SMCO4: variants seen among roughly 807,000 people sequenced by gnomAD.
The protein encoded by SMCO4 is single-pass membrane protein with coiled-coil domains 4, also known as single-pass membrane and coiled-coil domain-containing protein 4.
In SMCO4, 4 loss-of-function variants were observed where a neutral mutation model predicts 3.6. The ratio of observed to expected loss-of-function variants is 1.11; its 90% CI spans 0.54 to 2.53. The LOEUF (loss-of-function observed/expected upper bound fraction) is 2.53, where lower values mean the gene tolerates loss of function less well. Among genes scored for constraint, SMCO4 ranks in the 30% most tolerant of loss-of-function variants. The probability of loss-of-function intolerance (pLI) is 0.02; values close to 1 mark genes in which losing one functional copy is unlikely to be tolerated. For synonymous variants in SMCO4, 36 were observed against 35.3 expected (o/e 1.02, Z -0.07); for missense variants, 70 against 80.8 (o/e 0.87, Z 0.51).
chr11:93,521,802 A>G (rs1949060256), intron 1 of SMCO4, among the ~76,000 whole-genome samples: 1 of 152,246 alleles, frequency 6.6e-6, no homozygotes, highest in Admixed American at 6.5e-5. Flanking sequence ...TGAAGGGAAC[A>G]TAAAAGAGAG....
chr11:93,514,568 A>G (rs969037250), intron 1 of SMCO4, among the ~76,000 whole-genome samples: 8 of 151,520 alleles, frequency 5.3e-5, no homozygotes, highest in African/African-American at 1.9e-4. Flanking sequence ...TGCCTCACGT[A>G]TTACTTTTTT....
In SMCO4 at chr11:93,504,403, A is replaced by G. The variant is rs181614251; in HGVS notation, c.-153-5055T>C. On this transcript the variant is annotated intron_variant, in intron 1 of 2. Coordinates refer to ENST00000298966, the MANE Select transcript of SMCO4 (RefSeq NM_020179.3). Reference sequence around the variant, plus strand: ...TTTGAAGAGGATAACCTGAAAAGGTAAATATTTTCCTGCTTATCTACCCAT... The same window carrying G: ...TTTGAAGAGGATAACCTGAAAAGGTGAATATTTTCCTGCTTATCTACCCAT... Among the ~76,000 whole-genome samples the G allele has an allele frequency of 5.3e-5, 8 of 152,378 alleles. No individual in the cohort carries two copies. The East Asian group carries it at 1.5e-3, about 29-fold the overall frequency.
intron 1 of SMCO4, among the ~76,000 whole-genome samples, chr11:93,542,612 T>C (rs1949280034): frequency 6.6e-6 from 1 of 152,064 alleles, no homozygotes; most frequent in South Asian, 2.1e-4. Context: ...ACCCACCCCG[T>C]ACAGGAACTC....
chr11:93,506,270 G>A (rs1269348689), intron 1 of SMCO4, among the ~76,000 whole-genome samples: 1 of 152,204 alleles, frequency 6.6e-6, no homozygotes, highest in Non-Finnish European at 1.5e-5. Flanking sequence ...TGTGGCCCAA[G>A]ACCCTTTCTG....
chr11:93,489,119 G>A (rs1343803191), intron 2 of SMCO4, among the ~76,000 whole-genome samples: 1 of 152,138 alleles, frequency 6.6e-6, no homozygotes, highest in Non-Finnish European at 1.5e-5. Flanking sequence ...GTAAACAAGA[G>A]CACAGGGAAG....
At chr11:93,518,881 C>T (rs774594014) in intron 1 of SMCO4, among the ~76,000 whole-genome samples, 10 of 152,164 alleles carry the variant, frequency 6.6e-5, no homozygotes, top group African/African-American at 1.7e-4. Flanking sequence ...TTAACAGGGG[C>T]GGCCTTCTGT....
At chr11:93,494,346 G>C (rs1325926695) in intron 2 of SMCO4, among the ~76,000 whole-genome samples, 1 of 152,196 alleles carries the variant, frequency 6.6e-6, no homozygotes. Context: ...CATCACTTCA[G>C]AGTGCAGGGT....
At chr11:93,535,605 G>T in intron 1 of SMCO4, 1 of 1,553,484 alleles carries the variant, frequency 6.4e-7, no homozygotes, top group Non-Finnish European at 8.9e-7. Context: ...AAGGTACTGT[G>T]GAGGGCTTTG....
At chr11:93,494,920 G>A (rs1948757221) in intron 2 of SMCO4, among the ~76,000 whole-genome samples, 1 of 152,238 alleles carries the variant, frequency 6.6e-6, no homozygotes, top group Non-Finnish European at 1.5e-5. Context: ...GGACCTGCAT[G>A]ATCTGGCTCC....
intron 1 of SMCO4, among the ~76,000 whole-genome samples, chr11:93,540,783 AATTTATAC>A (rs1041006768): frequency 1.3e-5 from 2 of 152,236 alleles, no homozygotes; most frequent in African/African-American, 4.8e-5. Context: ...ATTAAAGTAA[AATTTATAC>A]ACACACAAAC....
chr11:93,499,001 G>C (rs952786349), intron 2 of SMCO4, among the ~76,000 whole-genome samples: 1 of 152,134 alleles, frequency 6.6e-6, no homozygotes, highest in African/African-American at 2.4e-5. Flanking sequence ...GGAAGGGTGA[G>C]ACCATCAGGG....
intron 1 of SMCO4, among the ~76,000 whole-genome samples, chr11:93,521,904 G>A (rs1949061081): frequency 6.6e-6 from 1 of 152,170 alleles, no homozygotes; most frequent in Admixed American, 6.5e-5. Context: ...TCCACAGTCA[G>A]AAGTGTATTT....
intron 2 of SMCO4, among the ~76,000 whole-genome samples, chr11:93,496,278 A>G (rs1948771176): frequency 1.3e-5 from 2 of 152,214 alleles, no homozygotes; most frequent in Admixed American, 6.5e-5. Flanking sequence ...GCCATGGATG[A>G]ATTCAAGATG....
intron 2 of SMCO4, among the ~76,000 whole-genome samples, chr11:93,481,013 A>C (rs1160927259): frequency 1.3e-5 from 2 of 150,968 alleles, no homozygotes; most frequent in East Asian, 3.9e-4. Flanking sequence ...GCAAATGTAT[A>C]ATTTCCTTCA....
intron 1 of SMCO4, among the ~76,000 whole-genome samples, chr11:93,515,205 C>A (rs1473901800): frequency 2.0e-5 from 3 of 152,152 alleles, no homozygotes; most frequent in Admixed American, 1.3e-4. Flanking sequence ...GGTCAAGCAA[C>A]TCTGTGATTT....
intron 1 of SMCO4, among the ~76,000 whole-genome samples, chr11:93,529,802 C>T (rs979057429): frequency 3.9e-5 from 6 of 152,242 alleles, no homozygotes; most frequent in Non-Finnish European, 7.3e-5. Context: ...GGCCAGCCTC[C>T]GCCTGGAGTT....
At chr11:93,492,465 T>TA (rs981355354) in intron 2 of SMCO4, among the ~76,000 whole-genome samples, 7 of 152,102 alleles carry the variant, frequency 4.6e-5, no homozygotes, top group Admixed American at 1.3e-4. Flanking sequence ...TTGAGGGAGA[T>TA]AAAAAATAAA....
intron 1 of SMCO4, among the ~76,000 whole-genome samples, chr11:93,518,144 T>C (rs1392688061): frequency 1.3e-5 from 2 of 152,224 alleles, no homozygotes; most frequent in Non-Finnish European, 2.9e-5. Flanking sequence ...ACTTTGCTTT[T>C]TCTCTATCTA....
chr11:93,493,471 A>G (rs1481032992), intron 2 of SMCO4, among the ~76,000 whole-genome samples: 1 of 152,126 alleles, frequency 6.6e-6, no homozygotes, highest in Non-Finnish European at 1.5e-5. Flanking sequence ...CAAATAAAAT[A>G]GAGGCTGCAG....
Sources: allele counts gnomAD v4.1 joint callset (sites outside exome capture counted in the v4.1 genomes callset), GRCh38; gene constraint gnomAD v4.1.1; transcripts MANE v1.5; gene names NCBI Gene and HGNC (gene_info 2026-07-23, HGNC 2026-07-21).